The following GRM5 variants were observed in gnomAD, a reference collection of about 807,000 sequenced individuals.
GRM5 encodes glutamate metabotropic receptor 5.
In GRM5, 19 loss-of-function variants were observed where a neutral mutation model predicts 83.1. That is an observed-to-expected ratio of 0.23 (90% CI 0.16 to 0.34). The LOEUF (loss-of-function observed/expected upper bound fraction) is 0.34. Among genes scored for constraint, GRM5 ranks in the 10% least tolerant of loss-of-function variants. The pLI is 1.00. For synonymous variants in GRM5, 675 were observed against 633.6 expected, an observed-to-expected ratio of 1.07 and a Z score of -0.98; for missense variants, 1,160 against 1,588.3, an observed-to-expected ratio of 0.73 and a Z score of 4.58.
At chr11:88,713,515 C>G (rs576726737) in intron 3 of GRM5, among the ~76,000 whole-genome samples, 3 of 152,118 alleles carry the variant, frequency 2.0e-5, no homozygotes, top group African/African-American at 7.2e-5. Flanking sequence ...AGAAACAGAT[C>G]TCTCTATATC....
At chr11:88,993,692 A>T (rs1565326185) in intron 2 of GRM5, among the ~76,000 whole-genome samples, 2 of 151,798 alleles carry the variant, frequency 1.3e-5, no homozygotes, top group East Asian at 1.9e-4. Context: ...AATTCAGTAA[A>T]TTTTTTTTCT....
chr11:88,752,754 C>T (rs866125433), intron 3 of GRM5, among the ~76,000 whole-genome samples: 17 of 152,172 alleles, frequency 1.1e-4, no homozygotes, highest in African/African-American at 2.9e-4. Flanking sequence ...GGTCCAAGAA[C>T]AGACACATAA....
At chr11:88,839,282 CAAATT>C (rs1366551536) in intron 3 of GRM5, among the ~76,000 whole-genome samples, 1 of 151,924 alleles carries the variant, frequency 6.6e-6, no homozygotes, top group East Asian at 1.9e-4. Context: ...TCATAAAGCC[CAAATT>C]AAATGACAAG....
At chr11:88,723,139 C>T (rs1278986836) in intron 3 of GRM5, among the ~76,000 whole-genome samples, 1 of 139,350 alleles carries the variant, frequency 7.2e-6, no homozygotes, top group African/African-American at 2.9e-5. Context: ...GTAGTCTTTT[C>T]AGATTGGCTT....
intron 3 of GRM5, among the ~76,000 whole-genome samples, chr11:88,746,918 T>G (rs1942157258): frequency 6.6e-6 from 1 of 152,196 alleles, no homozygotes; most frequent in South Asian, 2.1e-4. Flanking sequence ...TTAGACCTTG[T>G]GTTTCTTTCT....
chr11:89,031,798 T>C (rs1941269284), intron 2 of GRM5, among the ~76,000 whole-genome samples: 1 of 152,024 alleles, frequency 6.6e-6, no homozygotes, highest in Non-Finnish European at 1.5e-5. Context: ...AAATCATGTA[T>C]CTTTTAAAAT....
chr11:88,720,796 C>CTGTGTGTGTGTG (rs748475378), intron 3 of GRM5, among the ~76,000 whole-genome samples: 38 of 141,754 alleles, frequency 2.7e-4, no homozygotes, highest in East Asian at 1.5e-3. Flanking sequence ...AATCATTACT[C>CTGTGTGTGTGTG]TGTGTGTGTG....
chr11:88,975,299 G>A, intron 2 of GRM5, among the ~76,000 whole-genome samples: 1 of 152,190 alleles, frequency 6.6e-6, no homozygotes, highest in East Asian at 1.9e-4. Flanking sequence ...TAGAGGAAGG[G>A]AGTGAGAAGA....
At chr11:88,564,933 A>G (rs1266351992) in intron 8 of GRM5, among the ~76,000 whole-genome samples, 1 of 151,318 alleles carries the variant, frequency 6.6e-6, no homozygotes, top group Non-Finnish European at 1.5e-5. Context: ...TGTCTTTGTT[A>G]TTAAGATCAT....
Position 88,850,021 on chromosome 11 carries a change from T to G in GRM5, c.796A>C (p.Ser266Arg). ...SFDKLLKKLT[S>R]HLPKARVVAC... Reference sequence around the variant, plus strand: ...ACCACCCGGGCCTTGGGCAAGTGACTTGTGAGCTTCTTCAGCAGCTTATCA... The same window carrying G: ...ACCACCCGGGCCTTGGGCAAGTGACGTGTGAGCTTCTTCAGCAGCTTATCA... Residue 266 changes from serine (S) to arginine (R), a missense_variant, in exon 3 of 10, where the codon AGT becomes CGT. Physicochemically the swap from Ser to Arg is moderately radical, Grantham distance 110. Coordinates refer to ENST00000305447, the MANE Select transcript of GRM5 (RefSeq NM_001143831.3). 1 of 1,613,428 alleles carries G rather than the reference T, an allele frequency of 6.2e-7. No homozygotes were observed. Among genetic ancestry groups the G allele is most frequent in the Non-Finnish European group, 8.5e-7 (1 of 1,179,362 alleles).
intron 2 of GRM5, among the ~76,000 whole-genome samples, chr11:89,041,947 T>A (rs1323882536): frequency 6.6e-6 from 1 of 152,228 alleles, no homozygotes; most frequent in Non-Finnish European, 1.5e-5. Context: ...GGAAAATCTT[T>A]CAGAGTTTCC....
At chr11:88,747,581 T>A (rs182476552) in intron 3 of GRM5, among the ~76,000 whole-genome samples, 60 of 152,180 alleles carry the variant, frequency 3.9e-4, no homozygotes, top group Admixed American at 3.5e-3. Context: ...TGGAAAGGTG[T>A]CAAGTAGTTC....
At chr11:88,584,152 A>G (rs984344819) in intron 7 of GRM5, among the ~76,000 whole-genome samples, 6 of 151,786 alleles carry the variant, frequency 4.0e-5, no homozygotes, top group Admixed American at 3.9e-4. Flanking sequence ...TATGGTATGG[A>G]ACAAATAAAA....
chr11:88,692,994 C>T (rs1940815271), intron 3 of GRM5, among the ~76,000 whole-genome samples: 1 of 152,130 alleles, frequency 6.6e-6, no homozygotes, highest in South Asian at 2.1e-4. Flanking sequence ...TGAATCACTG[C>T]ACTGAGTGGT....
intron 8 of GRM5, among the ~76,000 whole-genome samples, chr11:88,564,114 G>A (rs1326886250): frequency 6.6e-6 from 1 of 152,088 alleles, no homozygotes; most frequent in Non-Finnish European, 1.5e-5. Context: ...GAATATGCCA[G>A]TTGATGTCAA....
intron 5 of GRM5, among the ~76,000 whole-genome samples, chr11:88,599,146 C>T (rs1591373099): frequency 6.6e-6 from 1 of 152,178 alleles, no homozygotes; most frequent in East Asian, 1.9e-4. Context: ...TATTGTAAGG[C>T]TTTTATCTCT....
intron 3 of GRM5, among the ~76,000 whole-genome samples, chr11:88,754,993 G>A (rs1942366495): frequency 7.1e-6 from 1 of 141,590 alleles, no homozygotes; most frequent in East Asian, 1.9e-4. Flanking sequence ...CTCCTCATAT[G>A]CAAAACAGAG....
chr11:88,514,129 C>A (rs1202831176), intron 9 of GRM5, among the ~76,000 whole-genome samples: 2 of 151,982 alleles, frequency 1.3e-5, no homozygotes, highest in African/African-American at 4.8e-5. Flanking sequence ...GAGGAGGGGG[C>A]CAAAAGTAAC....
intron 7 of GRM5, among the ~76,000 whole-genome samples, chr11:88,570,545 T>TCAA: frequency 7.7e-6 from 1 of 129,090 alleles, no homozygotes; most frequent in African/African-American, 3.4e-5. Context: ...AAAAAAAGTA[T>TCAA]TAATAATATA....
Sources: allele counts gnomAD v4.1 joint callset (sites outside exome capture counted in the v4.1 genomes callset), GRCh38; gene constraint gnomAD v4.1.1; transcripts MANE v1.5; gene names NCBI Gene and HGNC (gene_info 2026-07-23, HGNC 2026-07-21).